Variants in CRADD observed in about 807,000 individuals in gnomAD.
CRADD encodes death domain-containing protein CRADD.
Under a neutral mutation model 15.5 loss-of-function variants are expected in CRADD, and 9 were observed. The observed-to-expected ratio is 0.58, with a 90% CI of 0.35 to 1.01. The LOEUF (loss-of-function observed/expected upper bound fraction) is 1.01, where lower values mean the gene tolerates loss of function less well. Ranked by LOEUF, CRADD falls within the 50% of genes least tolerant of loss-of-function variation. The pLI is 0.02. For missense variants in CRADD, 227 were observed against 250.3 expected (o/e 0.91, Z 0.63); for synonymous variants, 118 against 107.6 (o/e 1.10, Z -0.60).
chr12:93,857,607 G>T (rs1423415289), intron 2 of CRADD, among the ~76,000 whole-genome samples: 1 of 152,210 alleles, frequency 6.6e-6, no homozygotes, highest in Non-Finnish European at 1.5e-5. Context: ...CCTGAGGCTG[G>T]GTAATTTATA....
At chr12:93,856,041 C>T (rs1001144622) in intron 2 of CRADD, among the ~76,000 whole-genome samples, 1 of 152,158 alleles carries the variant, frequency 6.6e-6, no homozygotes, top group Non-Finnish European at 1.5e-5. Flanking sequence ...CTCTTGACCT[C>T]GTGATCCACC....
intron 2 of CRADD, among the ~76,000 whole-genome samples, chr12:93,866,396 A>G (rs1593052683): frequency 2.6e-5 from 4 of 152,258 alleles, no homozygotes; most frequent in Admixed American, 2.6e-4. Context: ...TTAATTTATA[A>G]CATAATGTTT....
intron 2 of CRADD, among the ~76,000 whole-genome samples, chr12:93,773,815 T>TTTTG (rs1293035653): frequency 2.2e-5 from 3 of 138,584 alleles, no homozygotes; most frequent in African/African-American, 5.4e-5. Flanking sequence ...CTTTGTGAGT[T>TTTTG]TTTTTTTTTT....
At chr12:93,831,228 G>A (rs1038652001) in intron 2 of CRADD, 17 of 153,580 alleles carry the variant, frequency 1.1e-4, no homozygotes, top group Non-Finnish European at 2.5e-4. Context: ...CTGGGAGCAG[G>A]GTCCACCAGG....
chr12:93,703,359 C>CTTT (rs34708379), intron 2 of CRADD, among the ~76,000 whole-genome samples: 1 of 136,516 alleles, frequency 7.3e-6, no homozygotes. Flanking sequence ...TTTTCTTTTT[C>CTTT]TTTTTTTTTT....
At chr12:93,816,765 A>G (rs1448812353) in intron 2 of CRADD, among the ~76,000 whole-genome samples, 1 of 152,212 alleles carries the variant, frequency 6.6e-6, no homozygotes, top group Non-Finnish European at 1.5e-5. Context: ...CCATCCCTGT[A>G]GAATGACAAT....
chr12:93,731,684 T>C (rs11832510), intron 2 of CRADD, among the ~76,000 whole-genome samples: 61,591 of 152,170 alleles, frequency 0.4, 12,986 homozygotes, highest in East Asian at 0.57. Context: ...AATATAGCTA[T>C]GTTTGCTTAA....
At chr12:93,842,888 G>A (rs1958065895) in intron 2 of CRADD, among the ~76,000 whole-genome samples, 1 of 152,004 alleles carries the variant, frequency 6.6e-6, no homozygotes, top group South Asian at 2.1e-4. Context: ...CAGTAAATGG[G>A]GTTGTCAGTA....
intron 2 of CRADD, among the ~76,000 whole-genome samples, chr12:93,822,676 G>T (rs1279431939): frequency 1.3e-5 from 2 of 152,142 alleles, no homozygotes; most frequent in Non-Finnish European, 2.9e-5. Context: ...GTCTCTATTG[G>T]ATTATTCTGT....
At chr12:93,730,314 A>G (rs1399975924) in intron 2 of CRADD, among the ~76,000 whole-genome samples, 1 of 152,230 alleles carries the variant, frequency 6.6e-6, no homozygotes, top group Non-Finnish European at 1.5e-5. Context: ...TATTTGTATA[A>G]AAAGAAAATT....
intron 2 of CRADD, among the ~76,000 whole-genome samples, chr12:93,870,654 T>C (rs1227255964): frequency 6.6e-6 from 1 of 152,046 alleles, no homozygotes; most frequent in Non-Finnish European, 1.5e-5. Context: ...AGCCAACTCA[T>C]AGGGTGGAGG....
intron 2 of CRADD, among the ~76,000 whole-genome samples, chr12:93,873,557 G>A (rs1056998768): frequency 1.3e-5 from 2 of 151,986 alleles, no homozygotes; most frequent in Non-Finnish European, 2.9e-5. Flanking sequence ...TTTCATATCT[G>A]ACTTTTATTA....
chr12:93,853,668 C>A (rs1958247138), downstream of CRADD, among the ~76,000 whole-genome samples: 1 of 152,182 alleles, frequency 6.6e-6, no homozygotes, highest in Non-Finnish European at 1.5e-5. Flanking sequence ...TTTATCTCTT[C>A]CTAACAGCAA....
At chr12:93,782,236 G>A (rs536244984) in intron 2 of CRADD, among the ~76,000 whole-genome samples, 8 of 151,524 alleles carry the variant, frequency 5.3e-5, no homozygotes, top group East Asian at 3.9e-4. Flanking sequence ...GCAAACTATC[G>A]CAAGGACAAA....
chr12:93,709,776 C>A lies in CRADD; in HGVS notation c.298+30704C>A, dbSNP rs1045209733. Among the ~76,000 whole-genome samples, 17 of 152,294 alleles carry A rather than the reference C, an allele frequency of 1.1e-4. No homozygotes were observed. In the South Asian group the frequency reaches 2.9e-3, roughly 26 times the overall value. On this transcript the variant is annotated intron_variant, in intron 2 of 2. Coordinates refer to ENST00000332896, the MANE Select transcript of CRADD (RefSeq NM_003805.5). ...TGATTTATATTCGTCTGGCTATATA[C>A]CCAGTAATGGGATTGCTGGGTCGAA...
chr12:93,825,424 C>T (rs531719099), intron 2 of CRADD, among the ~76,000 whole-genome samples: 64 of 152,296 alleles, frequency 4.2e-4, no homozygotes, highest in African/African-American at 1.5e-3. Context: ...ATGGTGATAC[C>T]TATCTTGTGG....
intron 2 of CRADD, among the ~76,000 whole-genome samples, chr12:93,771,498 C>A (rs961559498): frequency 3.3e-5 from 5 of 152,102 alleles, no homozygotes; most frequent in Non-Finnish European, 5.9e-5. Context: ...CCACATATAA[C>A]CCCTTGTCAC....
intron 2 of CRADD, among the ~76,000 whole-genome samples, chr12:93,762,094 G>A (rs1260639335): frequency 6.6e-6 from 1 of 152,148 alleles, no homozygotes; most frequent in Non-Finnish European, 1.5e-5. Flanking sequence ...AATTTGCAAA[G>A]GCTAATAACT....
At chr12:93,688,059 T>G (rs1406050663) in intron 2 of CRADD, among the ~76,000 whole-genome samples, 12 of 152,092 alleles carry the variant, frequency 7.9e-5, no homozygotes, top group Admixed American at 7.9e-4. Flanking sequence ...GAAGAACGAG[T>G]TGGATGCTCC....
Sources: gnomAD v4.1 joint callset for allele counts (sites outside exome capture counted in the v4.1 genomes callset) on GRCh38, gnomAD v4.1.1 for gene constraint, MANE v1.5 for transcripts, NCBI Gene and HGNC (gene_info 2026-07-23, HGNC 2026-07-21) for gene names.